The following PIK3R4 variants were observed in gnomAD, a reference collection of about 807,000 sequenced individuals.
The protein encoded by PIK3R4 is phosphoinositide 3-kinase regulatory subunit 4.
In PIK3R4, 46 loss-of-function variants were observed where a neutral mutation model predicts 136.5. The ratio of observed to expected loss-of-function variants is 0.34; its 90% CI spans 0.27 to 0.43. PIK3R4 has a LOEUF of 0.43. PIK3R4 is among the 20% of genes least tolerant of loss of function. The pLI, the probability that PIK3R4 is intolerant of heterozygous loss-of-function variation, is 1.00. For missense variants in PIK3R4, 1,331 were observed against 1,649.5 expected (o/e 0.81, Z 3.35); for synonymous variants, 557 against 566.7 (o/e 0.98, Z 0.24).
At chr3:130,735,152 G>A (rs985456528) in intron 3 of PIK3R4, among the ~76,000 whole-genome samples, 2 of 152,128 alleles carry the variant, frequency 1.3e-5, no homozygotes, top group Non-Finnish European at 2.9e-5. Flanking sequence ...TTCCTCTGAA[G>A]CACCTTATTT....
At chr3:130,732,501 G>C (rs1021471267) in intron 4 of PIK3R4, among the ~76,000 whole-genome samples, 1 of 152,104 alleles carries the variant, frequency 6.6e-6, no homozygotes, top group Admixed American at 6.6e-5. Context: ...TTTGCCAAGT[G>C]AGTTACAACT....
intron 14 of PIK3R4, among the ~76,000 whole-genome samples, chr3:130,687,002 G>C (rs1199139493): frequency 6.6e-6 from 1 of 151,698 alleles, no homozygotes; most frequent in Non-Finnish European, 1.5e-5. Context: ...GGGAGGACCG[G>C]ATGTTAGCAT....
chr3:130,720,793 G>A (rs2066695529), intron 7 of PIK3R4, among the ~76,000 whole-genome samples: 1 of 152,200 alleles, frequency 6.6e-6, no homozygotes, highest in Non-Finnish European at 1.5e-5. Flanking sequence ...AGGGCAGGAA[G>A]GGTAGTTTCA....
At position 130,686,317 on chromosome 3, in the gene PIK3R4, G is replaced by C. The variant is rs2066490023; in HGVS notation, c.3369C>G (p.Gly1123=). 6.2e-7 allele frequency: 1 copy of C among 1,613,200 alleles called. No homozygotes were observed. The highest frequency in any genetic ancestry group is 1.7e-4 in the Middle Eastern group (1 of 6,056). Residue 1123 remains glycine, a synonymous_variant, in exon 15 of 20, where the codon GGC becomes GGG. Transcript: ENST00000356763. ...AYATVNGSLV[G]WDLRSSSNAW... ...CATTGCTTGAAGACCTAAGGTCCCAGCCAACCAGAGAGCCATTCACAGTGG... is the reference window on the plus strand; with the variant it reads ...CATTGCTTGAAGACCTAAGGTCCCACCCAACCAGAGAGCCATTCACAGTGG...
At position 130,745,111 on chromosome 3, in the gene PIK3R4, C is replaced by CCGAGTACT; in HGVS notation, c.100_107dup (p.Phe37ValfsTer19). ...GCTTGGCTCGAGCAACTTTAAAAAACCGAGTACTCCCCAGGCTTTTATCAT... is the reference window on the plus strand; with the variant it reads ...GCTTGGCTCGAGCAACTTTAAAAAACCGAGTACTCGAGTACTCCCCAGGCTTTTATCAT... On this transcript the variant is annotated frameshift_variant, in exon 2 of 20. Transcript: ENST00000356763. LOFTEE classifies it high-confidence loss of function. The CCGAGTACT allele has an allele frequency of 6.2e-7, 1 of 1,613,914 alleles. No homozygotes were observed. The highest frequency in any genetic ancestry group is 8.5e-7 in the Non-Finnish European group (1 of 1,180,008).
At chr3:130,735,779 A>G in intron 3 of PIK3R4, 90 bp downstream of exon 3, 2 of 1,225,008 alleles carry the variant, frequency 1.6e-6, no homozygotes, top group Non-Finnish European at 2.3e-6. Flanking sequence ...CTTGATTCCA[A>G]ATTTACAACA....
In PIK3R4 at chr3:130,681,574, C is replaced by CGTT. The variant is rs749655559; in HGVS notation, c.3622_3624dup (p.Asn1208dup). The CGTT allele has an allele frequency of 6.2e-7, 1 of 1,608,162 alleles. No homozygotes were observed. The highest frequency in any genetic ancestry group is 1.3e-5 in the African/African-American group (1 of 74,852). ...GTCTCCATGTCCCACATGGACACTT[C>CGTT]GTTGTTGCCCTGAACAGCTAAAGGA... is the stretch of plus-strand genomic sequence containing the variant. On this transcript the variant is annotated inframe_insertion, in exon 17 of 20. Coordinates refer to ENST00000356763, the MANE Select transcript of PIK3R4 (RefSeq NM_014602.3).
chr3:130,705,613 T>TA lies in PIK3R4; in HGVS notation c.2879dup (p.Ala961SerfsTer2). The TA allele has an allele frequency of 6.2e-7, 1 of 1,613,758 alleles. No individual in the cohort carries two copies. The highest frequency in any genetic ancestry group is 8.5e-7 in the Non-Finnish European group (1 of 1,179,632). ...CAGCATTTTCCATCATCTGCTTAGC[T>TA]ATTCTCTCAGCATTGCACTGCTCCC... On this transcript the variant is annotated frameshift_variant, in exon 12 of 20. Coordinates refer to ENST00000356763, the MANE Select transcript of PIK3R4 (RefSeq NM_014602.3). LOFTEE classifies it high-confidence loss of function.
chr3:130,734,202 G>A (rs1488886758), intron 3 of PIK3R4, 72 bp from the exon 4 acceptor site: 1 of 1,229,562 alleles, frequency 8.1e-7, no homozygotes, highest in Non-Finnish European at 1.1e-6. Flanking sequence ...AAGCTACAAA[G>A]GCAATTTACA....
In PIK3R4 at chr3:130,733,535, A is replaced by G. The variant is rs747048994; in HGVS notation, c.1450+13T>C. ...ATATCTAAGTGGCTAATATTTGGAC[A>G]ATAAACTCTTACCAGCATAGGCTAG... On this transcript the variant is annotated intron_variant, in intron 4 of 19. Coordinates refer to ENST00000356763, the MANE Select transcript of PIK3R4 (RefSeq NM_014602.3). The G allele has an allele frequency of 1.3e-6, 2 of 1,561,124 alleles. No individual in the cohort carries two copies. Among genetic ancestry groups the G allele is most frequent in the Non-Finnish European group, 1.8e-6 (2 of 1,133,650 alleles).
intron 6 of PIK3R4, among the ~76,000 whole-genome samples, chr3:130,726,315 T>A (rs1010018968): frequency 6.6e-6 from 1 of 152,068 alleles, no homozygotes; most frequent in Non-Finnish European, 1.5e-5. Context: ...TAAGAAATAA[T>A]AAAATTTGGA....
chr3:130,680,425 C>T (rs964647179), intron 19 of PIK3R4, 188 bp downstream of exon 19: 2 of 416,924 alleles, frequency 4.8e-6, no homozygotes, highest in East Asian at 4.2e-5. Flanking sequence ...TACTTATATG[C>T]ACTTTCTTTA....
At chr3:130,733,121 T>C (rs1246134664) in intron 4 of PIK3R4, among the ~76,000 whole-genome samples, 4 of 152,192 alleles carry the variant, frequency 2.6e-5, no homozygotes, top group Admixed American at 2.0e-4. Flanking sequence ...TAAGTTAGTA[T>C]GCTAGGTTCT....
chr3:130,686,689 A>T (rs1476846243), intron 14 of PIK3R4, among the ~76,000 whole-genome samples: 2 of 152,142 alleles, frequency 1.3e-5, no homozygotes, highest in Non-Finnish European at 2.9e-5. Flanking sequence ...TAAGAAATTA[A>T]CCTTGCTATA....
intron 13 of PIK3R4, among the ~76,000 whole-genome samples, chr3:130,701,668 T>A (rs1198461824): frequency 6.6e-6 from 1 of 152,132 alleles, no homozygotes; most frequent in Non-Finnish European, 1.5e-5. Flanking sequence ...TACAGTGGTA[T>A]TATTTGTCAG....
chr3:130,726,227 T>C (rs1159953790), intron 6 of PIK3R4, among the ~76,000 whole-genome samples: 1 of 152,134 alleles, frequency 6.6e-6, no homozygotes, highest in Non-Finnish European at 1.5e-5. Context: ...AGGAATAGTT[T>C]AGACCTATCA....
intron 7 of PIK3R4, 78 bp from the exon 8 acceptor site, chr3:130,718,612 G>T: frequency 1.4e-6 from 2 of 1,413,900 alleles, no homozygotes; most frequent in Non-Finnish European, 9.8e-7. Flanking sequence ...ACCTTATAAC[G>T]TAACTGACAA....
rs559712399 is a variant in PIK3R4, at chr3:130,737,389, G to A, written c.734-1387C>T. ...AACGAAAAGTTAAAAATATTGAACG[G>A]TGGCTCATGCCTGTAATCCCACCAC... is the stretch of plus-strand genomic sequence containing the variant. On this transcript the variant is annotated intron_variant, in intron 2 of 19. Transcript: ENST00000356763. Among the ~76,000 whole-genome samples, 57 of 152,316 alleles carry A rather than the reference G, an allele frequency of 3.7e-4. 1 individual carries two copies. The Middle Eastern group carries it at 0.031, about 82-fold the overall frequency.
chr3:130,735,094 C>T (rs2066778927), intron 3 of PIK3R4, among the ~76,000 whole-genome samples: 1 of 152,142 alleles, frequency 6.6e-6, no homozygotes, highest in Non-Finnish European at 1.5e-5. Context: ...GAACACTACA[C>T]CAACTCCTCA....
Sources: allele counts gnomAD v4.1 joint callset (sites outside exome capture counted in the v4.1 genomes callset), GRCh38; gene constraint gnomAD v4.1.1; transcripts MANE v1.5; gene names NCBI Gene and HGNC (gene_info 2026-07-23, HGNC 2026-07-21).